PCDH15: variants seen among roughly 807,000 people sequenced by gnomAD.
PCDH15 encodes protocadherin-15.
A neutral mutation model predicts 178.5 loss-of-function variants in PCDH15; 129 were observed. That is an observed-to-expected ratio of 0.72 (90% CI 0.63 to 0.84). The LOEUF is 0.84. Ranked by LOEUF, PCDH15 falls within the 40% of genes least tolerant of loss-of-function variation. PCDH15 has a pLI of 0.00. For synonymous variants in PCDH15, 800 were observed against 732.0 expected (o/e 1.09, Z -1.50); for missense variants, 2,230 against 2,099.9 (o/e 1.06, Z -1.21).
intron 3 of PCDH15, among the ~76,000 whole-genome samples, chr10:54,465,945 G>C (rs907822926): frequency 9.9e-5 from 15 of 151,684 alleles, no homozygotes; most frequent in Non-Finnish European, 1.6e-4. Flanking sequence ...ATTCTAACTG[G>C]GGCAAGATGG....
intron 3 of PCDH15, among the ~76,000 whole-genome samples, chr10:54,403,549 CT>C (rs1457218111): frequency 1.3e-5 from 2 of 152,012 alleles, no homozygotes; most frequent in African/African-American, 2.4e-5. Flanking sequence ...AAGATACCCC[CT>C]ATCACCACTC....
At position 54,854,638 on chromosome 10, in the gene PCDH15, G is replaced by A. The variant is rs931947334; in HGVS notation, c.-29+42812C>T. On this transcript the variant is annotated intron_variant, in intron 3 of 5. Transcript: ENST00000458638. Reference sequence around the variant, plus strand: ...ATCATCCTGACATCTGCTGCTCTCTGCAGAGAGGAGGCCATGGTGTGGGTA... The same window carrying A: ...ATCATCCTGACATCTGCTGCTCTCTACAGAGAGGAGGCCATGGTGTGGGTA... 2.6e-5 allele frequency among the ~76,000 whole-genome samples: 4 copies of A among 152,118 alleles called. No homozygotes were observed. In the East Asian group the frequency reaches 7.7e-4, roughly 29 times the overall value.
At chr10:55,004,416 T>C (rs1008434947) in intron 2 of PCDH15, among the ~76,000 whole-genome samples, 4 of 152,104 alleles carry the variant, frequency 2.6e-5, no homozygotes, top group African/African-American at 9.7e-5. Context: ...CCTCTATGTC[T>C]CAAAACTTAC....
rs1469238956 is a variant in PCDH15, at chr10:54,175,841, CTATGA to C, written c.1590+7598_1590+7602del. ...AAATAATTATGTTCAAAGTTTTTTCCTATGATATATTACCTATGATATAGAATAAC... is the reference window on the plus strand; with the variant it reads ...AAATAATTATGTTCAAAGTTTTTTCCTATATTACCTATGATATAGAATAAC... On this transcript the variant is annotated intron_variant, in intron 13 of 37. Transcript: ENST00000644397. Among the ~76,000 whole-genome samples, 8 of 151,954 alleles carry C rather than the reference CTATGA, an allele frequency of 5.3e-5. No individual in the cohort carries two copies. The South Asian group carries it at 1.5e-3, about 28-fold the overall frequency.
At chr10:55,371,434 C>A (rs1041771935) in intron 2 of PCDH15, among the ~76,000 whole-genome samples, 1 of 152,092 alleles carries the variant, frequency 6.6e-6, no homozygotes, top group African/African-American at 2.4e-5. Context: ...TGATTTGGCT[C>A]TGTGTCCTCA....
chr10:55,224,424 C>T (rs1477249425), intron 1 of PCDH15, among the ~76,000 whole-genome samples: 6 of 152,000 alleles, frequency 3.9e-5, no homozygotes, highest in Admixed American at 1.3e-4. Flanking sequence ...CTTTAAGGGT[C>T]CTTGTGTGCT....
intron 21 of PCDH15, among the ~76,000 whole-genome samples, chr10:53,964,269 A>G (rs2088698184): frequency 6.6e-6 from 1 of 151,912 alleles, no homozygotes; most frequent in African/African-American, 2.4e-5. Flanking sequence ...ACATAAGAAT[A>G]CAAGCTTTAT....
intron 1 of PCDH15, among the ~76,000 whole-genome samples, chr10:55,297,055 A>G (rs2132274034): frequency 6.6e-6 from 1 of 152,256 alleles, no homozygotes; most frequent in Non-Finnish European, 1.5e-5. Flanking sequence ...GTACTCCATA[A>G]GTCATCTGGG....
chr10:55,216,246 G>T (rs937221890), intron 1 of PCDH15, among the ~76,000 whole-genome samples: 1 of 151,908 alleles, frequency 6.6e-6, no homozygotes, highest in Non-Finnish European at 1.5e-5. Flanking sequence ...GTCATATTTG[G>T]GTCTGAAATA....
chr10:53,968,619 A>G (rs910065487), intron 21 of PCDH15, among the ~76,000 whole-genome samples: 1 of 152,136 alleles, frequency 6.6e-6, no homozygotes, highest in Non-Finnish European at 1.5e-5. Context: ...GCCGACTGAC[A>G]CCTCATATAG....
rs1842601333 is a variant in PCDH15, at chr10:55,276,524, AT to A, written c.-156+43074del. Among the ~76,000 whole-genome samples the A allele has an allele frequency of 2.0e-5, 3 of 151,482 alleles. No individual in the cohort carries two copies. The East Asian group carries it at 5.8e-4, about 29-fold the overall frequency. On this transcript the variant is annotated intron_variant, in intron 1 of 5. Coordinates refer to the PCDH15 transcript ENST00000458638. ...TTAATGCAATGAATTACTTTAAACA[AT>A]TTTTTTACACTAAAGCAAACTTAAA... is the stretch of plus-strand genomic sequence containing the variant.
chr10:53,807,643 T>C (rs144226983), intron 37 of PCDH15, among the ~76,000 whole-genome samples: 1 of 151,858 alleles, frequency 6.6e-6, no homozygotes, highest in East Asian at 1.9e-4. Flanking sequence ...TTTTGTATAA[T>C]TTAAGCATTT....
intron 2 of PCDH15, among the ~76,000 whole-genome samples, chr10:55,460,527 C>T (rs759447457): frequency 2.6e-5 from 4 of 151,904 alleles, no homozygotes; most frequent in Admixed American, 6.6e-5. Context: ...TATTTTTCAC[C>T]GGACGCGTTT....
intron 3 of PCDH15, among the ~76,000 whole-genome samples, chr10:54,497,860 G>A (rs2080280061): frequency 6.6e-6 from 1 of 151,988 alleles, no homozygotes; most frequent in African/African-American, 2.4e-5. Context: ...TGGAGGGAGA[G>A]CAAAAAATTT....
intron 13 of PCDH15, among the ~76,000 whole-genome samples, chr10:54,169,620 C>A (rs1336313827): frequency 3.3e-5 from 5 of 150,866 alleles, no homozygotes; most frequent in Non-Finnish European, 7.4e-5. Context: ...TTTGCATACT[C>A]CTCTTGTATC....
chr10:54,231,030 G>C (rs904908258), intron 9 of PCDH15, among the ~76,000 whole-genome samples: 4 of 152,188 alleles, frequency 2.6e-5, no homozygotes, highest in East Asian at 1.9e-4. Context: ...AAAATGGTCA[G>C]ACTTGATAAC....
intron 9 of PCDH15, among the ~76,000 whole-genome samples, chr10:54,234,604 TTAAA>T (rs1359667087): frequency 6.6e-6 from 1 of 152,116 alleles, no homozygotes; most frequent in African/African-American, 2.4e-5. Context: ...GCTAAATAAC[TTAAA>T]TAAAATTATG....
At chr10:55,090,671 T>G (rs964849729) in intron 2 of PCDH15, among the ~76,000 whole-genome samples, 2 of 152,054 alleles carry the variant, frequency 1.3e-5, no homozygotes, top group Admixed American at 1.3e-4. Flanking sequence ...ATGACACACT[T>G]CAGCACATAT....
chr10:54,242,869 T>C (rs956583026), intron 8 of PCDH15, among the ~76,000 whole-genome samples: 1 of 152,160 alleles, frequency 6.6e-6, no homozygotes, highest in African/African-American at 2.4e-5. Flanking sequence ...CTCATATAAG[T>C]ACACAGTTTG....
Sources: gnomAD v4.1 joint callset for allele counts (sites outside exome capture counted in the v4.1 genomes callset) on GRCh38, gnomAD v4.1.1 for gene constraint, MANE v1.5 for transcripts, NCBI Gene and HGNC (gene_info 2026-07-23, HGNC 2026-07-21) for gene names.